Variants in KCNJ6 observed in about 807,000 individuals in gnomAD.
The protein encoded by KCNJ6 is potassium inwardly rectifying channel subfamily J member 6.
KCNJ6 carries 9 observed loss-of-function variants against 34.2 expected under a neutral mutation model. The ratio of observed to expected loss-of-function variants is 0.26; its 90% CI spans 0.16 to 0.46. The LOEUF (loss-of-function observed/expected upper bound fraction) is 0.46. KCNJ6 is among the 20% of genes least tolerant of loss of function. The pLI is 1.00. For missense variants in KCNJ6, 236 were observed against 531.3 expected, an observed-to-expected ratio of 0.44 and a Z score of 5.46; for synonymous variants, 196 against 207.1, an observed-to-expected ratio of 0.95 and a Z score of 0.46.
intron 3 of KCNJ6, among the ~76,000 whole-genome samples, chr21:37,670,382 C>T (rs2054535962): frequency 1.3e-5 from 2 of 152,068 alleles, no homozygotes; most frequent in Non-Finnish European, 2.9e-5. Flanking sequence ...GAGGATTGGG[C>T]TTTTTAGTTC....
intron 3 of KCNJ6, among the ~76,000 whole-genome samples, chr21:37,631,374 AAT>A (rs2054333028): frequency 6.6e-6 from 1 of 152,246 alleles, no homozygotes; most frequent in Non-Finnish European, 1.5e-5. Context: ...CCTCAGCTAA[AAT>A]ATAATACAAT....
chr21:37,756,384 G>C (rs2055024822), intron 2 of KCNJ6, among the ~76,000 whole-genome samples: 1 of 152,236 alleles, frequency 6.6e-6, no homozygotes, highest in South Asian at 2.1e-4. Flanking sequence ...CAGAGAATGG[G>C]TGGTGGGAGC....
intron 2 of KCNJ6, among the ~76,000 whole-genome samples, chr21:37,824,126 T>G (rs1203806241): frequency 6.6e-6 from 1 of 152,202 alleles, no homozygotes; most frequent in East Asian, 1.9e-4. Context: ...AATGCATTTT[T>G]AAAAAGGGAA....
intron 1 of KCNJ6, among the ~76,000 whole-genome samples, chr21:37,879,756 T>TGA (rs1491017859): frequency 7.6e-5 from 9 of 118,940 alleles, no homozygotes; most frequent in African/African-American, 2.2e-4. Flanking sequence ...TGTGTGTGTG[T>TGA]GACAGAGAGA....
chr21:37,897,576 C>G (rs1299175319), intron 1 of KCNJ6, among the ~76,000 whole-genome samples: 2 of 152,212 alleles, frequency 1.3e-5, no homozygotes, highest in Non-Finnish European at 1.5e-5. Flanking sequence ...TGGCCTGTCC[C>G]CATTTCCCCA....
intron 2 of KCNJ6, among the ~76,000 whole-genome samples, chr21:37,818,207 C>CGTGTGTGTGT (rs1281572811): frequency 0.021 from 1,714 of 80,968 alleles, 20 homozygotes; most frequent in African/African-American, 0.051. Flanking sequence ...TGTGTGTGTG[C>CGTGTGTGTGT]GTGCGTGTGT....
intron 3 of KCNJ6, among the ~76,000 whole-genome samples, chr21:37,691,888 C>T (rs538853305): frequency 1.4e-4 from 21 of 152,200 alleles, no homozygotes; most frequent in African/African-American, 4.8e-4. Context: ...TTGCTATGAT[C>T]CACCACTCTG....
chr21:37,899,620 G>T (rs1244306437), intron 1 of KCNJ6, among the ~76,000 whole-genome samples: 1 of 152,164 alleles, frequency 6.6e-6, no homozygotes, highest in Non-Finnish European at 1.5e-5. Flanking sequence ...GGTAGTGTCT[G>T]GGAGAATGCT....
At chr21:37,879,212 G>A (rs1157178624) in intron 1 of KCNJ6, among the ~76,000 whole-genome samples, 1 of 152,116 alleles carries the variant, frequency 6.6e-6, no homozygotes, top group African/African-American at 2.4e-5. Flanking sequence ...TGTCTAGATA[G>A]GGCCATGGCA....
intron 2 of KCNJ6, among the ~76,000 whole-genome samples, chr21:37,722,679 A>C (rs554277474): frequency 6.6e-6 from 1 of 152,330 alleles, no homozygotes; most frequent in East Asian, 1.9e-4. Flanking sequence ...AAAAATAAGC[A>C]GTGGGGAAAG....
chr21:37,866,989 C>T (rs767408157), intron 1 of KCNJ6, among the ~76,000 whole-genome samples: 30 of 152,284 alleles, frequency 2.0e-4, no homozygotes, highest in East Asian at 9.6e-4. Flanking sequence ...TAATTGGCAA[C>T]GCAAACATGA....
chr21:37,735,623 C>T (rs1346464868), intron 2 of KCNJ6, among the ~76,000 whole-genome samples: 1 of 152,206 alleles, frequency 6.6e-6, no homozygotes, highest in Non-Finnish European at 1.5e-5. Flanking sequence ...GCCCCCTGAC[C>T]TTCCCTTGAG....
intron 2 of KCNJ6, among the ~76,000 whole-genome samples, chr21:37,733,598 A>T (rs1431045003): frequency 1.3e-5 from 2 of 152,090 alleles, no homozygotes; most frequent in African/African-American, 2.4e-5. Context: ...AAAAATATTC[A>T]CTTTTTTAGG....
At chr21:37,631,610 G>A (rs892706934) in intron 3 of KCNJ6, among the ~76,000 whole-genome samples, 3 of 152,190 alleles carry the variant, frequency 2.0e-5, no homozygotes, top group South Asian at 2.1e-4. Context: ...GGAATGAATC[G>A]TCTGAGGATA....
At chr21:37,885,139 T>C (rs1288010765) in intron 1 of KCNJ6, among the ~76,000 whole-genome samples, 1 of 152,208 alleles carries the variant, frequency 6.6e-6, no homozygotes, top group Non-Finnish European at 1.5e-5. Context: ...CCCTGAGTGC[T>C]TGGTGAAGAA....
chr21:37,696,882 T>G (rs1041095940), intron 3 of KCNJ6, among the ~76,000 whole-genome samples: 13 of 152,198 alleles, frequency 8.5e-5, no homozygotes, highest in Admixed American at 8.5e-4. Flanking sequence ...TGGTAAAATG[T>G]GGAAGATCAT....
chr21:37,657,804 CCT>C (rs1412896268), intron 3 of KCNJ6, among the ~76,000 whole-genome samples: 1 of 152,156 alleles, frequency 6.6e-6, no homozygotes. Context: ...CCCAGGCCAC[CCT>C]CTGGTTTAGA....
chr21:37,801,703 G>C (rs1195718376), intron 2 of KCNJ6, among the ~76,000 whole-genome samples: 1 of 151,682 alleles, frequency 6.6e-6, no homozygotes. Context: ...GACTGGCTAA[G>C]GCATTTCCCC....
At chr21:37,803,084 TC>T (rs1170207739) in intron 2 of KCNJ6, among the ~76,000 whole-genome samples, 1 of 152,224 alleles carries the variant, frequency 6.6e-6, no homozygotes, top group Non-Finnish European at 1.5e-5. Flanking sequence ...CCTTGGCTCA[TC>T]CTTGTCAACG....
Sources: gnomAD v4.1 joint callset for allele counts (sites outside exome capture counted in the v4.1 genomes callset) on GRCh38, gnomAD v4.1.1 for gene constraint, MANE v1.5 for transcripts, NCBI Gene and HGNC (gene_info 2026-07-23, HGNC 2026-07-21) for gene names.